GPATCH2: variants seen among roughly 807,000 people sequenced by gnomAD.
The protein encoded by GPATCH2 is G patch domain-containing protein 2.
GPATCH2 carries 51 observed loss-of-function variants against 58.0 expected under a neutral mutation model. The ratio of observed to expected loss-of-function variants is 0.88; its 90% CI spans 0.70 to 1.11. GPATCH2 has a LOEUF of 1.11. Ranked by LOEUF, GPATCH2 falls within the 50% of genes most tolerant of loss-of-function variation. GPATCH2 has a pLI of 0.00. For synonymous variants in GPATCH2, 222 were observed against 218.5 expected (o/e 1.02, Z -0.14); for missense variants, 625 against 652.2 (o/e 0.96, Z 0.45).
At chr1:217,532,180 A>T (rs1236107388) in intron 5 of GPATCH2, among the ~76,000 whole-genome samples, 1 of 152,174 alleles carries the variant, frequency 6.6e-6, no homozygotes, top group Non-Finnish European at 1.5e-5. Flanking sequence ...TCTGTGATTA[A>T]CCCAGTATGT....
At position 217,622,868 on chromosome 1, in the gene GPATCH2, A is replaced by T. The variant is rs112207081; in HGVS notation, c.57-2369T>A. Among the ~76,000 whole-genome samples the T allele has an allele frequency of 4.2e-3, 633 of 152,260 alleles. 5 individuals carry two copies. Among genetic ancestry groups the T allele is most frequent in the African/African-American group, 0.015 (608 of 41,554 alleles). On this transcript the variant is annotated intron_variant, in intron 1 of 9. Coordinates refer to ENST00000366935, the MANE Select transcript of GPATCH2 (RefSeq NM_018040.5). The stretch of plus-strand genomic sequence containing the variant: ...CACAAATCAGGATTTAGAACATTGA[A>T]TTTGATTAAAAGAACTGTGTATCAC...
chr1:217,435,349 A>G (rs1658773578), intron 9 of GPATCH2, among the ~76,000 whole-genome samples: 1 of 152,192 alleles, frequency 6.6e-6, no homozygotes, highest in Admixed American at 6.5e-5. Context: ...TCCAAAGAGT[A>G]CCGTGGAGGG....
intron 5 of GPATCH2, among the ~76,000 whole-genome samples, chr1:217,522,768 C>T (rs1413457603): frequency 1.3e-5 from 2 of 149,034 alleles, no homozygotes; most frequent in East Asian, 3.9e-4. Flanking sequence ...TTTTCTTACT[C>T]AATTCATATC....
intron 8 of GPATCH2, among the ~76,000 whole-genome samples, chr1:217,452,936 T>C (rs181743026): frequency 6.6e-6 from 1 of 152,204 alleles, no homozygotes; most frequent in Non-Finnish European, 1.5e-5. Flanking sequence ...ATCTGGATTA[T>C]TGATCCATAA....
At chr1:217,523,808 C>A (rs1663622702) in intron 5 of GPATCH2, among the ~76,000 whole-genome samples, 1 of 145,188 alleles carries the variant, frequency 6.9e-6, no homozygotes, top group African/African-American at 2.6e-5. Context: ...GGGGGCTGAC[C>A]CCCCCACCTC....
intron 5 of GPATCH2, among the ~76,000 whole-genome samples, chr1:217,578,790 G>C (rs1440882391): frequency 6.6e-6 from 1 of 152,170 alleles, no homozygotes; most frequent in Non-Finnish European, 1.5e-5. Context: ...ATTGATGCCA[G>C]TCTAAAATAG....
rs1477346792 is a variant in GPATCH2, at chr1:217,429,158, G to T, written c.*1987C>A. On this transcript the variant is annotated 3_prime_UTR_variant, in exon 10 of 10. Transcript: ENST00000366935. ...CCAGAGCACAATACACTATCACAAA[G>T]AAGTTTTAAAACTTGTATATAATCT... 2 of 152,020 alleles carry T rather than the reference G, an allele frequency of 1.3e-5. No homozygotes were observed. The highest frequency in any genetic ancestry group is 3.9e-4 in the East Asian group (2 of 5,184). The allele number at this position is 152,020 out of a possible 1,614,324, so 9.4% of individuals were successfully genotyped here. A position where few individuals can be genotyped will look rare whatever the true frequency, so the allele number is the denominator to read the frequency against.
intron 5 of GPATCH2, among the ~76,000 whole-genome samples, chr1:217,528,075 T>C (rs755699856): frequency 4.5e-4 from 69 of 152,116 alleles, no homozygotes; most frequent in African/African-American, 1.5e-3. Context: ...GGTGACTGTA[T>C]GCATAAACAA....
intron 5 of GPATCH2, among the ~76,000 whole-genome samples, chr1:217,557,409 CAAAAAA>C (rs772777496): frequency 1.6e-5 from 1 of 62,190 alleles, no homozygotes; most frequent in East Asian, 4.5e-4. Flanking sequence ...AACCCCATCT[CAAAAAA>C]AAAAAAAAAA....
intron 5 of GPATCH2, among the ~76,000 whole-genome samples, chr1:217,602,796 C>T (rs1444248318): frequency 6.6e-6 from 1 of 152,158 alleles, no homozygotes; most frequent in Non-Finnish European, 1.5e-5. Flanking sequence ...TTATGGCACA[C>T]ATCTTGATTG....
At chr1:217,473,305 G>GTGTGTGTGTGTGTGTGTGTGTGTGTT (rs1660817461) in intron 8 of GPATCH2, among the ~76,000 whole-genome samples, 2 of 151,836 alleles carry the variant, frequency 1.3e-5, no homozygotes, top group Admixed American at 1.3e-4. Flanking sequence ...GTGTGTGTGT[G>GTGTGTGTGTGTGTGTGTGTGTGTGTT]TGTGTGTGTG....
rs1571660948 is a variant in GPATCH2 at position 217,616,572 on chromosome 1, A to T, written c.774-2370T>A. Among the ~76,000 whole-genome samples, 4 of 152,142 alleles carry T rather than the reference A, an allele frequency of 2.6e-5. No individual in the cohort carries two copies. The South Asian group carries it at 6.2e-4, about 24-fold the overall frequency. ...ATGTATACAACATGTTTCTTGATTT[A>T]CATTTCACCTCATTGGTATCTAGAG... On this transcript the variant is annotated intron_variant, in intron 2 of 9. Coordinates refer to ENST00000366935, the MANE Select transcript of GPATCH2 (RefSeq NM_018040.5).
At chr1:217,584,342 A>T (rs1251323603) in intron 5 of GPATCH2, among the ~76,000 whole-genome samples, 2 of 82,576 alleles carry the variant, frequency 2.4e-5, no homozygotes, top group South Asian at 4.2e-4. Context: ...AAAAAAAAAA[A>T]AAATATATAT....
At chr1:217,548,436 G>A (rs1157902310) in intron 5 of GPATCH2, among the ~76,000 whole-genome samples, 2 of 152,218 alleles carry the variant, frequency 1.3e-5, no homozygotes, top group East Asian at 3.8e-4. Flanking sequence ...TTGATTACAT[G>A]TGCTACAAAT....
intron 8 of GPATCH2, among the ~76,000 whole-genome samples, chr1:217,485,082 T>C (rs1301187288): frequency 2.0e-5 from 3 of 151,986 alleles, no homozygotes; most frequent in Non-Finnish European, 4.4e-5. Flanking sequence ...AGTAGGAAAG[T>C]TGGTGGAGTA....
intron 5 of GPATCH2, among the ~76,000 whole-genome samples, chr1:217,598,665 C>T (rs956372348): frequency 1.3e-5 from 2 of 151,918 alleles, no homozygotes; most frequent in Non-Finnish European, 2.9e-5. Context: ...TGGGGTTTCA[C>T]CATGTTGGCC....
rs537698785 is a variant in GPATCH2, at chr1:217,619,287, G to A, written c.773+496C>T. ...ACCAGGTGTTTCTAGACTATAAATT[G>A]GGTTTTAAAATTCATAAGTGATCAG... On this transcript the variant is annotated intron_variant, in intron 2 of 9. Transcript: ENST00000366935. 3.2e-4 allele frequency among the ~76,000 whole-genome samples: 49 copies of A among 152,140 alleles called. 1 individual carries two copies. The highest frequency in any genetic ancestry group is 1.0e-3 in the African/African-American group (42 of 41,524).
At chr1:217,609,341 T>C (rs1344893336) in intron 5 of GPATCH2, 1 of 985,246 alleles carries the variant, frequency 1.0e-6, no homozygotes, top group Non-Finnish European at 1.2e-6. Context: ...TCACACAGCA[T>C]TTGTTAAAAA....
At chr1:217,484,556 T>TTATATATATA (rs60742327) in intron 8 of GPATCH2, among the ~76,000 whole-genome samples, 44 of 143,180 alleles carry the variant, frequency 3.1e-4, no homozygotes, top group South Asian at 2.0e-3. Flanking sequence ...ATATAATTAT[T>TTATATATATA]TATATATATA....
Sources: allele counts gnomAD v4.1 joint callset (sites outside exome capture counted in the v4.1 genomes callset), GRCh38; gene constraint gnomAD v4.1.1; transcripts MANE v1.5; gene names NCBI Gene and HGNC (gene_info 2026-07-23, HGNC 2026-07-21).